Variants in TMEM170A observed in about 807,000 individuals in gnomAD.
The protein encoded by TMEM170A is transmembrane protein 170.
Under a neutral mutation model 12.8 loss-of-function variants are expected in TMEM170A, and 18 were observed. The observed-to-expected ratio is 1.41, with a 90% CI of 0.97 to 2.09. TMEM170A has a LOEUF of 2.09. TMEM170A is among the 30% of genes most tolerant of loss of function. The pLI, the probability that TMEM170A is intolerant of heterozygous loss-of-function variation, is 0.00. For synonymous variants in TMEM170A, 107 were observed against 76.2 expected (o/e 1.40, Z -2.11); for missense variants, 220 against 179.9 (o/e 1.22, Z -1.28).
chr16:75,457,188 T>G (rs2079814309), intron 1 of TMEM170A, among the ~76,000 whole-genome samples: 1 of 152,132 alleles, frequency 6.6e-6, no homozygotes, highest in Non-Finnish European at 1.5e-5. Flanking sequence ...CTCTGCTTTC[T>G]GCAGTAACTC....
intron 1 of TMEM170A, among the ~76,000 whole-genome samples, chr16:75,460,818 C>T (rs1371147645): frequency 6.6e-6 from 1 of 152,176 alleles, no homozygotes; most frequent in Non-Finnish European, 1.5e-5. Context: ...GAATAAATGA[C>T]TGGTCCAAGT....
chr16:75,464,719 C>T (rs1597462047), upstream of TMEM170A: 45 of 1,363,054 alleles, frequency 3.3e-5, no homozygotes, highest in East Asian at 1.3e-3. Flanking sequence ...TTCCCCCAAT[C>T]CCAACGGCGC....
chr16:75,448,203 T>C (rs1257820090), intron 2 of TMEM170A, among the ~76,000 whole-genome samples: 5 of 152,308 alleles, frequency 3.3e-5, no homozygotes, highest in African/African-American at 1.2e-4. Context: ...GAGGAGGGAC[T>C]AGAGGGGTGA....
At chr16:75,447,955 G>A (rs1255826337) in intron 2 of TMEM170A, among the ~76,000 whole-genome samples, 1 of 152,142 alleles carries the variant, frequency 6.6e-6, no homozygotes, top group Non-Finnish European at 1.5e-5. Flanking sequence ...AAATAATCTG[G>A]AAGAAATAAT....
chr16:75,454,716 G>T (rs1410563404), intron 1 of TMEM170A, among the ~76,000 whole-genome samples: 1 of 152,150 alleles, frequency 6.6e-6, no homozygotes, highest in Non-Finnish European at 1.5e-5. Context: ...CCAGACTAAG[G>T]ACTTCACAAA....
intron 2 of TMEM170A, among the ~76,000 whole-genome samples, chr16:75,450,612 AG>A (rs1290071701): frequency 6.6e-6 from 1 of 152,140 alleles, no homozygotes; most frequent in African/African-American, 2.4e-5. Flanking sequence ...GAAAGTCCTA[AG>A]GGGAAAAAAA....
In TMEM170A at chr16:75,451,741, A is replaced by G. The variant is rs1567698716; in HGVS notation, c.232T>C (p.Tyr78His). 1 of 1,614,126 alleles carries G rather than the reference A, an allele frequency of 6.2e-7. No individual in the cohort carries two copies. The highest frequency in any genetic ancestry group is 2.2e-5 in the East Asian group (1 of 44,888). Residue 78 changes from tyrosine (Y) to histidine (H), a missense_variant, in exon 2 of 3, where the codon TAT becomes CAT. Transcript: ENST00000561878. ...LALFTLRHHKYGRFMSVSILL... is the reference protein window; with the variant it reads ...LALFTLRHHKHGRFMSVSILL... ...ATGCTTACAGACATGAACCTACCAT[A>G]TTTGTGATGTCTGAGGGTGAAGAGG...
rs2079967488 is a variant in TMEM170A at position 75,464,662 on chromosome 16, G to A, written c.-62C>T. On this transcript the variant is annotated 5_prime_UTR_variant, in exon 1 of 3. Coordinates refer to ENST00000561878, the MANE Select transcript of TMEM170A (RefSeq NM_145254.3). ...CGCCCGAAGTGCGGTAGCGGCCGGCGCCGACTCACCCTCGCCGCCTCAGCG... is the reference window on the plus strand; with the variant it reads ...CGCCCGAAGTGCGGTAGCGGCCGGCACCGACTCACCCTCGCCGCCTCAGCG... The A allele has an allele frequency of 4.6e-6, 7 of 1,531,354 alleles. No individual in the cohort carries two copies. The highest frequency in any genetic ancestry group is 4.4e-5 in the Admixed American group (2 of 45,708). 94.9% of individuals were successfully genotyped at this position (1,531,354 alleles called of 1,614,324 possible).
chr16:75,449,676 A>G (rs2079648414), intron 2 of TMEM170A, among the ~76,000 whole-genome samples: 1 of 152,248 alleles, frequency 6.6e-6, no homozygotes, highest in Admixed American at 6.5e-5. Flanking sequence ...AGAAAGAACA[A>G]TATTAACCAA....
intron 1 of TMEM170A, among the ~76,000 whole-genome samples, chr16:75,454,973 A>G (rs1356817868): frequency 6.6e-6 from 1 of 152,222 alleles, no homozygotes; most frequent in Non-Finnish European, 1.5e-5. Flanking sequence ...CCATAATATC[A>G]AAAACTAGAA....
chr16:75,464,318 C>T (rs1176838227), intron 1 of TMEM170A, 150 bp downstream of exon 1: 1 of 1,450,826 alleles, frequency 6.9e-7, no homozygotes, highest in Non-Finnish European at 9.0e-7. Context: ...GAAAGGGGCT[C>T]CGGGCGAGCA....
At position 75,445,692 on chromosome 16, in the gene TMEM170A, CTT is replaced by C. The variant is rs1368442210; in HGVS notation, c.*1864_*1865del. On this transcript the variant is annotated 3_prime_UTR_variant, in exon 3 of 3. Transcript: ENST00000561878. ...TTCCCTGGCAAATTGGTCCTCCTGACTTTTTTCTTTTTTTTTTTTTTCCAAAT... is the reference window on the plus strand; with the variant it reads ...TTCCCTGGCAAATTGGTCCTCCTGACTTTTCTTTTTTTTTTTTTTCCAAAT... 6.7e-6 allele frequency: 1 copy of C among 150,298 alleles called. No homozygotes were observed. Among genetic ancestry groups the C allele is most frequent in the Non-Finnish European group, 1.5e-5 (1 of 67,640 alleles). The allele number at this position is 150,298 out of a possible 1,614,324, so 9.3% of individuals were successfully genotyped here. A position where few individuals can be genotyped will look rare whatever the true frequency, so the allele number is the denominator to read the frequency against.
rs2151620103 is a variant in TMEM170A at position 75,444,214 on chromosome 16, A to AGGTGGC, written c.*3343_*3344insGCCACC. 1 of 152,232 alleles carries AGGTGGC rather than the reference A, an allele frequency of 6.6e-6. No homozygotes were observed. The highest frequency in any genetic ancestry group is 1.9e-4 in the East Asian group (1 of 5,180). The allele number at this position is 152,232 out of a possible 1,614,324, so 9.4% of individuals were successfully genotyped here. On this transcript the variant is annotated 3_prime_UTR_variant, in exon 3 of 3. Coordinates refer to ENST00000561878, the MANE Select transcript of TMEM170A (RefSeq NM_145254.3). The stretch of plus-strand genomic sequence containing the variant: ...CCGGGTGTGGTGGCTCATGCCTGTA[A>AGGTGGC]TCCCAGCACTTTGGGAGGTGGAGGC...
chr16:75,451,816 A>T lies in TMEM170A; in HGVS notation c.157T>A (p.Trp53Arg). Residue 53 changes from tryptophan (W) to arginine (R), a missense_variant, in exon 2 of 3, where the codon TGG (tryptophan) becomes AGG (arginine). Coordinates refer to ENST00000561878, the MANE Select transcript of TMEM170A (RefSeq NM_145254.3). ...FPEMWYGVFLWALVSSLFFHV... is the reference protein window; with the variant it reads ...FPEMWYGVFLRALVSSLFFHV... Reference sequence around the variant, plus strand: ...AAGAAGAGAGAAGACACCAGTGCCCACAGGAATACACCATACCACATCTCT... The same window carrying T: ...AAGAAGAGAGAAGACACCAGTGCCCTCAGGAATACACCATACCACATCTCT... 2 of 1,613,344 alleles carry T rather than the reference A, an allele frequency of 1.2e-6. No individual in the cohort carries two copies. The highest frequency in any genetic ancestry group is 1.7e-6 in the Non-Finnish European group (2 of 1,179,596).
intron 1 of TMEM170A, 194 bp downstream of exon 1, chr16:75,464,274 G>A (rs1260630989): frequency 2.0e-5 from 30 of 1,494,314 alleles, no homozygotes; most frequent in Non-Finnish European, 2.7e-5. Flanking sequence ...GGACTCCGGG[G>A]CTCCGCCTCA....
chr16:75,455,862 TAA>T (rs767351770), intron 1 of TMEM170A, among the ~76,000 whole-genome samples: 37 of 152,168 alleles, frequency 2.4e-4, no homozygotes, highest in Non-Finnish European at 4.9e-4. Flanking sequence ...ATAAACAATT[TAA>T]AAGAGACCAG....
In TMEM170A at chr16:75,464,645, G is replaced by A. The variant is rs2079967091; in HGVS notation, c.-45C>T. ...GAGAAATGAGGGACGAGCGCCCGAA[G>A]TGCGGTAGCGGCCGGCGCCGACTCA... On this transcript the variant is annotated 5_prime_UTR_variant, in exon 1 of 3. Coordinates refer to ENST00000561878, the MANE Select transcript of TMEM170A (RefSeq NM_145254.3). 2.6e-6 allele frequency: 4 copies of A among 1,548,156 alleles called. No individual in the cohort carries two copies. The highest frequency in any genetic ancestry group is 2.8e-5 in the African/African-American group (2 of 70,232).
Position 75,447,398 on chromosome 16 carries a change from G to C in TMEM170A, c.*160C>G. 1.4e-6 allele frequency: 1 copy of C among 725,526 alleles called. No individual in the cohort carries two copies. Among genetic ancestry groups the C allele is most frequent in the Non-Finnish European group, 2.0e-6 (1 of 501,598 alleles). The allele number at this position is 725,526 out of a possible 1,614,324, so 44.9% of individuals were successfully genotyped here. A position where few individuals can be genotyped will look rare whatever the true frequency, so the allele number is the denominator to read the frequency against. On this transcript the variant is annotated 3_prime_UTR_variant, in exon 3 of 3. Coordinates refer to ENST00000561878, the MANE Select transcript of TMEM170A (RefSeq NM_145254.3). Reference sequence around the variant, plus strand: ...TCCACATAAGTCTTCAATTCTAGGAGCTTCAAAATGAAGAAAAGGCTGAGA... The same window carrying C: ...TCCACATAAGTCTTCAATTCTAGGACCTTCAAAATGAAGAAAAGGCTGAGA...
At chr16:75,460,526 T>C (rs4888430) in intron 1 of TMEM170A, among the ~76,000 whole-genome samples, 80,519 of 151,992 alleles carry the variant, frequency 0.53, 23,137 homozygotes, top group Admixed American at 0.67. Context: ...CTTCCCCAAG[T>C]AGCTGTTGGC....
Sources: allele counts gnomAD v4.1 joint callset (sites outside exome capture counted in the v4.1 genomes callset), GRCh38; gene constraint gnomAD v4.1.1; transcripts MANE v1.5; gene names NCBI Gene and HGNC (gene_info 2026-07-23, HGNC 2026-07-21).